Variants in PREX1 observed in about 807,000 individuals in gnomAD.
The protein encoded by PREX1 is phosphatidylinositol-3,4,5-trisphosphate dependent Rac exchange factor 1.
A neutral mutation model predicts 198.3 loss-of-function variants in PREX1; 41 were observed. The ratio of observed to expected loss-of-function variants is 0.21; its 90% CI spans 0.16 to 0.27. The LOEUF (loss-of-function observed/expected upper bound fraction) is 0.27, where lower values mean the gene tolerates loss of function less well. Ranked by LOEUF, PREX1 falls within the 10% of genes least tolerant of loss-of-function variation. The pLI, the probability that PREX1 is intolerant of heterozygous loss-of-function variation, is 1.00. For synonymous variants in PREX1, 843 were observed against 887.2 expected (o/e 0.95, Z 0.89); for missense variants, 1,620 against 2,200.7 (o/e 0.74, Z 5.28).
intron 25 of PREX1, among the ~76,000 whole-genome samples, chr20:48,647,259 A>T (rs2089458442): frequency 6.6e-6 from 1 of 152,150 alleles, no homozygotes; most frequent in African/African-American, 2.4e-5. Context: ...GTGGTGGCTC[A>T]TATCTGTAAT....
At chr20:48,721,955 C>G (rs2089988234) in intron 5 of PREX1, among the ~76,000 whole-genome samples, 2 of 148,880 alleles carry the variant, frequency 1.3e-5, no homozygotes, top group Middle Eastern at 3.4e-3. Flanking sequence ...GTCTGCTGAG[C>G]TGGGGATGGA....
At chr20:48,690,218 C>T (rs566060472) in intron 9 of PREX1, among the ~76,000 whole-genome samples, 2 of 152,204 alleles carry the variant, frequency 1.3e-5, no homozygotes, top group Admixed American at 1.3e-4. Flanking sequence ...AAACTGAGGC[C>T]CAGTTTCCTC....
chr20:48,759,481 C>T (rs536778452), intron 1 of PREX1, among the ~76,000 whole-genome samples: 1 of 136,258 alleles, frequency 7.3e-6, no homozygotes, highest in African/African-American at 2.8e-5. Context: ...ACCTGGGAAG[C>T]AGAGGTTACA....
chr20:48,649,016 G>A (rs1312345692), intron 25 of PREX1, among the ~76,000 whole-genome samples: 1 of 152,190 alleles, frequency 6.6e-6, no homozygotes, highest in East Asian at 1.9e-4. Context: ...GATGAGCGCT[G>A]CTATATCCAT....
chr20:48,744,015 T>C (rs1356023033), intron 3 of PREX1, among the ~76,000 whole-genome samples: 2 of 149,854 alleles, frequency 1.3e-5, no homozygotes, highest in Non-Finnish European at 3.0e-5. Context: ...ATGATGATGA[T>C]GATGATGATG....
At chr20:48,767,450 C>G (rs2090213914) in intron 1 of PREX1, among the ~76,000 whole-genome samples, 1 of 152,136 alleles carries the variant, frequency 6.6e-6, no homozygotes, top group African/African-American at 2.4e-5. Context: ...TGGTGTCAGA[C>G]AAGCTGGTTC....
At chr20:48,785,393 C>G (rs1039724482) in intron 1 of PREX1, among the ~76,000 whole-genome samples, 5 of 152,212 alleles carry the variant, frequency 3.3e-5, no homozygotes, top group African/African-American at 1.2e-4. Flanking sequence ...CCTTTAGGGC[C>G]CACTCATCGA....
Position 48,805,668 on chromosome 20 carries a change from C to T in PREX1, c.219+21974G>A, listed in dbSNP as rs2090408799. Among the ~76,000 whole-genome samples, 8 of 152,306 alleles carry T rather than the reference C, an allele frequency of 5.3e-5. No homozygotes were observed. The South Asian group carries it at 1.7e-3, about 32-fold the overall frequency. ...CCTTCTTCCTGGACTTACAGGCCAG[C>T]CCCAAGCCCAGAATCCCACCTCACC... On this transcript the variant is annotated intron_variant, in intron 1 of 39. Transcript: ENST00000371941.
At position 48,625,596 on chromosome 20, in the gene PREX1, C is replaced by T. The variant is rs549186112; in HGVS notation, c.*289G>A. On this transcript the variant is annotated 3_prime_UTR_variant, in exon 40 of 40. Coordinates refer to ENST00000371941, the MANE Select transcript of PREX1 (RefSeq NM_020820.4). ...CCTTGGGTTCTGGGGACGCAGGAGC[C>T]GAAGGCCAGGCACCAGCTGCTCCCA... 26 of 381,470 alleles carry T rather than the reference C, an allele frequency of 6.8e-5. No homozygotes were observed. Among genetic ancestry groups the T allele is most frequent in the Non-Finnish European group, 9.8e-5 (21 of 213,742 alleles). The allele number at this position is 381,470 out of a possible 1,614,324, so 23.6% of individuals were successfully genotyped here.
intron 1 of PREX1, among the ~76,000 whole-genome samples, chr20:48,750,235 C>CG (rs1555841344): frequency 5.3e-5 from 8 of 151,896 alleles, no homozygotes; most frequent in Non-Finnish European, 1.2e-4. Flanking sequence ...ACCACCCCCC[C>CG]AGTCCAAGCC....
At chr20:48,866,484 G>A in the PREX1 span, among the ~76,000 whole-genome samples, 3 of 152,198 alleles carry the variant, frequency 2.0e-5, no homozygotes, top group African/African-American at 7.2e-5. Context: ...ACAGGCAGGC[G>A]CAAGTTGGAG....
chr20:48,815,514 G>A (rs2090455127), intron 1 of PREX1, among the ~76,000 whole-genome samples: 1 of 152,066 alleles, frequency 6.6e-6, no homozygotes, highest in Non-Finnish European at 1.5e-5. Context: ...CAATCAGATG[G>A]GCTTCCTCAC....
the PREX1 span, among the ~76,000 whole-genome samples, chr20:48,868,655 G>A: frequency 6.6e-6 from 1 of 152,078 alleles, no homozygotes; most frequent in Non-Finnish European, 1.5e-5. Context: ...CAGTTGAAAA[G>A]GTACAGAAAA....
At chr20:48,875,858 G>A in the PREX1 span, among the ~76,000 whole-genome samples, 101 of 152,272 alleles carry the variant, frequency 6.6e-4, 2 homozygotes, top group South Asian at 0.015. Context: ...AGGCCAAGGC[G>A]GGGTGTTTGG....
At chr20:48,694,914 C>T (rs2089837687) in intron 7 of PREX1, among the ~76,000 whole-genome samples, 2 of 151,948 alleles carry the variant, frequency 1.3e-5, no homozygotes, top group Admixed American at 6.5e-5. Flanking sequence ...GAGACCACTG[C>T]AATCAACAAG....
chr20:48,861,001 A>T, the PREX1 span, among the ~76,000 whole-genome samples: 1 of 152,088 alleles, frequency 6.6e-6, no homozygotes, highest in Non-Finnish European at 1.5e-5. Context: ...TTGTAGTAAG[A>T]ACAAATAAGA....
chr20:48,639,239 A>C (rs1400617522), intron 30 of PREX1, among the ~76,000 whole-genome samples: 1 of 152,170 alleles, frequency 6.6e-6, no homozygotes, highest in Non-Finnish European at 1.5e-5. Context: ...AGGATGGGAG[A>C]CTGGGCCTAG....
Position 48,635,210 on chromosome 20 carries a change from G to A in PREX1, c.4168-435C>T, listed in dbSNP as rs575145420. ...CTCAGTTTCTCTCCCGCTCACCCTG[G>A]GCCTGGTCCATCACCAAGTCTGATG... On this transcript the variant is annotated intron_variant, in intron 32 of 39. Coordinates refer to ENST00000371941, the MANE Select transcript of PREX1 (RefSeq NM_020820.4). Among the ~76,000 whole-genome samples, 58 of 151,850 alleles carry A rather than the reference G, an allele frequency of 3.8e-4. 1 individual carries two copies. The highest frequency in any genetic ancestry group is 1.4e-3 in the African/African-American group (57 of 41,392).
intron 1 of PREX1, among the ~76,000 whole-genome samples, chr20:48,791,223 C>T (rs1405353982): frequency 1.3e-5 from 2 of 152,164 alleles, no homozygotes; most frequent in Admixed American, 6.5e-5. Context: ...AGAAATAAAT[C>T]GTTACCTTCG....
Sources: gnomAD v4.1 joint callset for allele counts (sites outside exome capture counted in the v4.1 genomes callset) on GRCh38, gnomAD v4.1.1 for gene constraint, MANE v1.5 for transcripts, NCBI Gene and HGNC (gene_info 2026-07-23, HGNC 2026-07-21) for gene names.